PCDHGB3: variants seen among roughly 807,000 people sequenced by gnomAD.
The protein encoded by PCDHGB3 is protocadherin gamma subfamily B, 3, also known as protocadherin gamma-B3.
A neutral mutation model predicts 59.2 loss-of-function variants in PCDHGB3; 40 were observed. The ratio of observed to expected loss-of-function variants is 0.68; its 90% confidence interval spans 0.52 to 0.88. The LOEUF is 0.88. Among genes scored for constraint, PCDHGB3 ranks in the 40% least tolerant of loss-of-function variants. PCDHGB3 has a pLI of 0.00. For synonymous variants in PCDHGB3, 581 were observed against 503.6 expected (o/e 1.15, Z -2.06); for missense variants, 1,309 against 1,187.9 (o/e 1.10, Z -1.50).
At chr5:141,428,105 G>T in intron 1 of PCDHGB3, 4 of 1,608,184 alleles carry the variant, frequency 2.5e-6, no homozygotes, top group Non-Finnish European at 2.5e-6. Context: ...ACCACGTGCT[G>T]CAGGCCATCG....
intron 1 of PCDHGB3, chr5:141,393,009 A>T: frequency 6.2e-7 from 1 of 1,613,898 alleles, no homozygotes. Flanking sequence ...CGGAGTCCGT[A>T]TCGTCTCCAG....
intron 1 of PCDHGB3, chr5:141,415,455 G>T: frequency 6.2e-7 from 1 of 1,614,186 alleles, no homozygotes; most frequent in Non-Finnish European, 8.5e-7. Context: ...ATTCCCACGA[G>T]GTCTCTCTCA....
chr5:141,448,511 A>C (rs2098593334), intron 1 of PCDHGB3, among the ~76,000 whole-genome samples: 1 of 152,076 alleles, frequency 6.6e-6, no homozygotes, highest in Admixed American at 6.6e-5. Context: ...ACATTTTATA[A>C]CTTTATTAAG....
In PCDHGB3 at chr5:141,370,539, AAC is replaced by A; in HGVS notation, c.146_147del (p.Asn49ThrfsTer15). 3 of 1,613,826 alleles carry A rather than the reference AAC, an allele frequency of 1.9e-6. No homozygotes were observed. Among genetic ancestry groups the A allele is most frequent in the Non-Finnish European group, 2.5e-6 (3 of 1,179,854 alleles). On this transcript the variant is annotated frameshift_variant, in exon 1 of 4. Transcript: ENST00000576222. LOFTEE classifies it high-confidence loss of function. ...EELDRGSLVG[N>X]LAKDLGFGVG... ...GCTGGACAGGGGCTCGCTGGTAGGG[AAC>A]CTCGCCAAGGACCTGGGGTTTGGCG...
chr5:141,484,530 A>G (rs1406516272), intron 1 of PCDHGB3, among the ~76,000 whole-genome samples: 1 of 152,200 alleles, frequency 6.6e-6, no homozygotes, highest in East Asian at 1.9e-4. Context: ...TTTTGAGTAT[A>G]TGGCAGTGGT....
In PCDHGB3 at chr5:141,486,872, C is replaced by T. The variant is rs1320632059; in HGVS notation, c.2416-7935C>T. On this transcript the variant is annotated intron_variant, in intron 1 of 3. Transcript: ENST00000576222. The surrounding 1 kb of genome is among the most constrained non-coding windows in gnomAD (Gnocchi z 5.0). ...CAATGACAATGCTCCAGCTGTGCTC[C>T]GTCCTCGGGCCCGGCCTGGTTCCTT... The T allele has an allele frequency of 3.7e-6, 6 of 1,614,232 alleles. No individual in the cohort carries two copies. Among genetic ancestry groups the T allele is most frequent in the African/African-American group, 1.3e-5 (1 of 75,070 alleles).
At chr5:141,394,299 C>T (rs1420097652) in intron 1 of PCDHGB3, 1 of 1,613,884 alleles carries the variant, frequency 6.2e-7, no homozygotes, top group Non-Finnish European at 8.5e-7. Flanking sequence ...CGAGGACACG[C>T]TGCAGGGGGC....
intron 1 of PCDHGB3, chr5:141,392,409 A>G (rs1308940731): frequency 6.4e-6 from 1 of 156,720 alleles, no homozygotes; most frequent in African/African-American, 2.4e-5. Context: ...ACTAAATAAA[A>G]CCTTCATCTC....
At chr5:141,384,280 A>G (rs1779919886) in intron 1 of PCDHGB3, 2 of 1,613,714 alleles carry the variant, frequency 1.2e-6, no homozygotes, top group Non-Finnish European at 1.7e-6. Context: ...CTCAGTCTAC[A>G]TCGCTGAGAA....
Position 141,477,209 on chromosome 5 carries a change from G to A in PCDHGB3, c.2416-17598G>A. ...CGTGTACAGCCCAGTACCCGAGGAT[G>A]CCCCTCTGGGGACTGTCATCGCTTT... is the stretch of plus-strand genomic sequence containing the variant. On this transcript the variant is annotated intron_variant, in intron 1 of 3. Coordinates refer to ENST00000576222, the MANE Select transcript of PCDHGB3 (RefSeq NM_018924.5). This position sits in a 1 kb window ranked among gnomAD's most constrained non-coding sequence, Gnocchi z 4.9. The A allele has an allele frequency of 6.2e-7, 1 of 1,614,194 alleles. No homozygotes were observed.
At chr5:141,439,622 TCC>T (rs1374759651) in intron 1 of PCDHGB3, among the ~76,000 whole-genome samples, 1 of 152,134 alleles carries the variant, frequency 6.6e-6, no homozygotes, top group Non-Finnish European at 1.5e-5. Context: ...AATGAGCCAA[TCC>T]CCAGACATTC....
chr5:141,473,033 GGAAA>G (rs1282468299), intron 1 of PCDHGB3, among the ~76,000 whole-genome samples: 6 of 146,356 alleles, frequency 4.1e-5, no homozygotes, highest in South Asian at 2.2e-4. Flanking sequence ...AAGGAAGGAA[GGAAA>G]GAAAGAAAGA....
At chr5:141,427,637 C>T (rs771573587) in intron 1 of PCDHGB3, 5 of 707,806 alleles carry the variant, frequency 7.1e-6, no homozygotes, top group Non-Finnish European at 1.3e-5. Context: ...CGGTTTTCCA[C>T]CAAGTCTCCT....
intron 1 of PCDHGB3, chr5:141,420,364 ACTT>A (rs746817317): frequency 1.3e-4 from 174 of 1,368,558 alleles, no homozygotes; most frequent in Non-Finnish European, 1.6e-4. Context: ...ATTCTAGATA[ACTT>A]CTTCATAGAG....
rs2095935492 is a variant in PCDHGB3 at position 141,415,755 on chromosome 5, T to TG, written c.2415+42946_2415+42947insG. ...GTTTATTAAGGTTTTTTTTTTTTTT[T>TG]TTTTTTTTTTTTTTTTTACTTTCTG... On this transcript the variant is annotated intron_variant, in intron 1 of 3. Coordinates refer to ENST00000576222, the MANE Select transcript of PCDHGB3 (RefSeq NM_018924.5). 10 of 1,387,646 alleles carry TG rather than the reference T, an allele frequency of 7.2e-6. No individual in the cohort carries two copies. The African/African-American group carries it at 1.4e-4, about 19-fold the overall frequency. The allele number at this position is 1,387,646 out of a possible 1,614,324, so 86.0% of individuals were successfully genotyped here.
chr5:141,387,024 G>T (rs888266912), intron 1 of PCDHGB3, among the ~76,000 whole-genome samples: 2 of 152,172 alleles, frequency 1.3e-5, no homozygotes, highest in Non-Finnish European at 2.9e-5. Context: ...GATGAATGTT[G>T]TATTTCATAA....
chr5:141,450,179 A>G (rs1472867634), intron 1 of PCDHGB3, among the ~76,000 whole-genome samples: 1 of 151,100 alleles, frequency 6.6e-6, no homozygotes, highest in African/African-American at 2.4e-5. Flanking sequence ...CACCACACCC[A>G]GCTAATTTTT....
intron 1 of PCDHGB3, chr5:141,399,294 G>T (rs781668632): frequency 6.2e-7 from 1 of 1,613,914 alleles, no homozygotes; most frequent in South Asian, 1.1e-5. Flanking sequence ...TCCCTTTTAA[G>T]ATTATCTCTT....
intron 3 of PCDHGB3, 43 bp downstream of exon 3, chr5:141,505,524 G>A: frequency 6.2e-7 from 1 of 1,612,712 alleles, no homozygotes; most frequent in Non-Finnish European, 8.5e-7. Context: ...GGAGACCTGG[G>A]GTTCTGGGGT....
Sources: allele counts gnomAD v4.1 joint callset (sites outside exome capture counted in the v4.1 genomes callset), GRCh38; gene constraint gnomAD v4.1.1; non-coding constraint Gnocchi (gnomAD v3.1); transcripts MANE v1.5; gene names NCBI Gene and HGNC (gene_info 2026-07-23, HGNC 2026-07-21).